The following SLC25A30 variants were observed in gnomAD, a reference collection of about 807,000 sequenced individuals.
SLC25A30 encodes the protein kidney mitochondrial carrier protein 1.
A neutral mutation model predicts 42.7 loss-of-function variants in SLC25A30; 29 were observed. That is an observed-to-expected ratio of 0.68 (90% CI 0.51 to 0.93). SLC25A30 has a LOEUF of 0.93. SLC25A30 is among the 40% of genes least tolerant of loss of function. SLC25A30 has a pLI of 0.00. For synonymous variants in SLC25A30, 124 were observed against 131.0 expected, an observed-to-expected ratio of 0.95 and a Z score of 0.37; for missense variants, 300 against 359.7, an observed-to-expected ratio of 0.83 and a Z score of 1.34.
chr13:45,409,326 T>G (rs565053875), intron 2 of SLC25A30, among the ~76,000 whole-genome samples: 1 of 152,308 alleles, frequency 6.6e-6, no homozygotes, highest in African/African-American at 2.4e-5. Flanking sequence ...CTACACAGGA[T>G]TTGGGTAGGC....
At chr13:45,423,508 G>T in the SLC25A30 span, among the ~76,000 whole-genome samples, 1 of 122,328 alleles carries the variant, frequency 8.2e-6, no homozygotes, top group Non-Finnish European at 1.6e-5. Flanking sequence ...ATTAAGAATA[G>T]TTTATATATA....
the SLC25A30 span, among the ~76,000 whole-genome samples, chr13:45,429,635 A>T: frequency 6.6e-6 from 1 of 151,934 alleles, no homozygotes; most frequent in Non-Finnish European, 1.5e-5. Flanking sequence ...GTTCAAAACC[A>T]GTCTGGGCAA....
At chr13:45,429,425 T>G in the SLC25A30 span, among the ~76,000 whole-genome samples, 9 of 152,072 alleles carry the variant, frequency 5.9e-5, no homozygotes, top group African/African-American at 1.9e-4. Flanking sequence ...AGAAAGCTAA[T>G]GGAGGATATT....
the SLC25A30 span, among the ~76,000 whole-genome samples, chr13:45,431,650 C>T: frequency 0.028 from 4,212 of 151,486 alleles, 199 homozygotes; most frequent in African/African-American, 0.097. Flanking sequence ...TCCCAAAGTG[C>T]TGGGATTACA....
chr13:45,399,157 T>C, intron 7 of SLC25A30, 79 bp from the exon 8 acceptor site: 1 of 1,408,510 alleles, frequency 7.1e-7, no homozygotes, highest in Non-Finnish European at 9.6e-7. Flanking sequence ...AGAAAACAGC[T>C]TCTGCCCAAA....
chr13:45,426,393 A>G, the SLC25A30 span, among the ~76,000 whole-genome samples: 1 of 152,056 alleles, frequency 6.6e-6, no homozygotes, highest in Admixed American at 6.6e-5. Flanking sequence ...CCCAGTTTTT[A>G]TATTTTTTAA....
chr13:45,424,551 A>G, the SLC25A30 span, among the ~76,000 whole-genome samples: 58 of 42,542 alleles, frequency 1.4e-3, 4 homozygotes, highest in African/African-American at 6.3e-3. Flanking sequence ...ATAAATATAT[A>G]AATATATATA....
intron 4 of SLC25A30, 76 bp downstream of exon 4, chr13:45,405,807 C>T: frequency 7.3e-7 from 1 of 1,372,506 alleles, no homozygotes; most frequent in Middle Eastern, 1.8e-4. Context: ...TGAAGAAAAC[C>T]TGCTCCAAAA....
chr13:45,425,140 A>ATATAAATATATATATAAATATATAAG, the SLC25A30 span, among the ~76,000 whole-genome samples: 1 of 93,730 alleles, frequency 1.1e-5, no homozygotes, highest in Non-Finnish European at 1.9e-5. Context: ...GTATATAAAT[A>ATATAAATATATATATAAATATATAAG]TATATAAATA....
rs72141611 is a variant in SLC25A30 at position 45,412,127 on chromosome 13, G to GT, written c.-55-648dup. Among the ~76,000 whole-genome samples the GT allele has an allele frequency of 3.1e-3, 460 of 147,194 alleles. 1 individual carries two copies. The highest frequency in any genetic ancestry group is 8.9e-3 in the African/African-American group (359 of 40,150). On this transcript the variant is annotated intron_variant, in intron 1 of 9. Transcript: ENST00000519676. ...AAAATTACAAGCTACTTCTTTTTTT[G>GT]TTTTTTTTTTAAGACAGGGTCTCAC...
the SLC25A30 span, among the ~76,000 whole-genome samples, chr13:45,429,696 A>G: frequency 6.6e-6 from 1 of 151,862 alleles, no homozygotes; most frequent in African/African-American, 2.4e-5. Flanking sequence ...TTAGCTGGGC[A>G]TGGTGGGAAG....
the SLC25A30 span, among the ~76,000 whole-genome samples, chr13:45,429,077 T>C: frequency 1.0e-5 from 1 of 96,002 alleles, no homozygotes; most frequent in Non-Finnish European, 2.4e-5. Context: ...TTTTTTTTTT[T>C]TTTTTTTTTG....
Position 45,394,485 on chromosome 13 carries a change from C to G in SLC25A30, c.*1489G>C. 1 of 985,332 alleles carries G rather than the reference C, an allele frequency of 1.0e-6. No individual in the cohort carries two copies. The highest frequency in any genetic ancestry group is 1.2e-6 in the Non-Finnish European group (1 of 829,944). 61.0% of individuals were successfully genotyped at this position (985,332 alleles called of 1,614,324 possible). On this transcript the variant is annotated 3_prime_UTR_variant, in exon 10 of 10. Coordinates refer to ENST00000519676, the MANE Select transcript of SLC25A30 (RefSeq NM_001010875.4). ...ACTGTGGAAGGAGAATGCCCTGGAG[C>G]CCCAGCTAACATGTATTTAATGTTG...
chr13:45,425,136 A>AT, the SLC25A30 span, among the ~76,000 whole-genome samples: 21 of 92,444 alleles, frequency 2.3e-4, no homozygotes, highest in African/African-American at 7.2e-4. Flanking sequence ...ATAAGTATAT[A>AT]AATATATATA....
intron 1 of SLC25A30, chr13:45,411,993 G>GT (rs1883071029): frequency 8.4e-6 from 1 of 118,740 alleles, no homozygotes; most frequent in South Asian, 3.3e-4. Flanking sequence ...TGCTATCTTA[G>GT]TGAGTCCTTA....
chr13:45,425,396 A>G, the SLC25A30 span, among the ~76,000 whole-genome samples: 1 of 112,396 alleles, frequency 8.9e-6, no homozygotes, highest in East Asian at 2.4e-4. Flanking sequence ...ATGAAAATAT[A>G]TATGTATATA....
chr13:45,413,555 C>CT (rs71070984), intron 1 of SLC25A30, among the ~76,000 whole-genome samples: 20,695 of 140,290 alleles, frequency 0.15, 1,724 homozygotes, highest in African/African-American at 0.22. Context: ...GACTCCATCT[C>CT]TTTTTTTTTT....
intron 1 of SLC25A30, 35 bp from the exon 2 acceptor site, chr13:45,411,515 C>A: frequency 7.5e-7 from 1 of 1,325,390 alleles, no homozygotes; most frequent in African/African-American, 1.4e-5. Flanking sequence ...CAAGCTGTAA[C>A]TTCTCACACA....
upstream of SLC25A30, among the ~76,000 whole-genome samples, chr13:45,421,777 C>A (rs1883897618): frequency 6.6e-6 from 1 of 152,202 alleles, no homozygotes; most frequent in African/African-American, 2.4e-5. Context: ...CACTCACCAG[C>A]TTAAAATTCT....
Sources: gnomAD v4.1 joint callset for allele counts (sites outside exome capture counted in the v4.1 genomes callset) on GRCh38, gnomAD v4.1.1 for gene constraint, MANE v1.5 for transcripts, NCBI Gene and HGNC (gene_info 2026-07-23, HGNC 2026-07-21) for gene names.